Variants in DAPK2 observed in about 807,000 individuals in gnomAD.
DAPK2 encodes death associated protein kinase 2.
DAPK2 carries 35 observed loss-of-function variants against 44.1 expected under a neutral mutation model. The ratio of observed to expected loss-of-function variants is 0.79; its 90% CI spans 0.61 to 1.05. The LOEUF is 1.05. DAPK2 is among the 50% of genes least tolerant of loss of function. The pLI, the probability that DAPK2 is intolerant of heterozygous loss-of-function variation, is 0.00. For missense variants in DAPK2, 453 were observed against 483.2 expected (o/e 0.94, Z 0.59); for synonymous variants, 174 against 182.6 (o/e 0.95, Z 0.38).
chr15:63,935,252 G>A (rs2077110336), intron 4 of DAPK2, among the ~76,000 whole-genome samples: 1 of 151,894 alleles, frequency 6.6e-6, no homozygotes, highest in South Asian at 2.1e-4. Flanking sequence ...CACCATGCCT[G>A]GCTAATTTTT....
Position 63,934,946 on chromosome 15 carries a change from T to G in DAPK2, c.583+4286A>C, listed in dbSNP as rs572976837. Among the ~76,000 whole-genome samples, 5 of 152,328 alleles carry G rather than the reference T, an allele frequency of 3.3e-5. No homozygotes were observed. In the South Asian group the frequency reaches 6.2e-4, roughly 19 times the overall value. On this transcript the variant is annotated intron_variant, in intron 4 of 10. Coordinates refer to ENST00000261891, the Ensembl canonical transcript of DAPK2. ...TTCTATTACTTCTTGCTTTGAGGCCTCCCTTCAGAGTTCATTTCTTTAATT... is the reference window on the plus strand; with the variant it reads ...TTCTATTACTTCTTGCTTTGAGGCCGCCCTTCAGAGTTCATTTCTTTAATT...
intron 1 of DAPK2, among the ~76,000 whole-genome samples, chr15:63,986,427 A>C (rs2078669762): frequency 2.0e-5 from 3 of 152,160 alleles, no homozygotes; most frequent in Admixed American, 2.0e-4. Context: ...AATTGGTTTA[A>C]TTTTATTTAT....
chr15:64,002,897 GGAGA>G (rs1361429539), intron 1 of DAPK2, among the ~76,000 whole-genome samples: 8 of 141,028 alleles, frequency 5.7e-5, no homozygotes, highest in Non-Finnish European at 1.1e-4. Context: ...AGAGAGGGAG[GGAGA>G]GAAAGACTGA....
At chr15:64,007,478 C>G (rs1396982955) in intron 1 of DAPK2, among the ~76,000 whole-genome samples, 1 of 152,138 alleles carries the variant, frequency 6.6e-6, no homozygotes, top group Non-Finnish European at 1.5e-5. Context: ...AGTAGGAAAC[C>G]TCTCCTGCCT....
At chr15:63,958,619 C>T (rs2077795582) in intron 3 of DAPK2, among the ~76,000 whole-genome samples, 1 of 152,122 alleles carries the variant, frequency 6.6e-6, no homozygotes, top group Non-Finnish European at 1.5e-5. Context: ...GAATCCTTTC[C>T]CCATTTCTTG....
Position 63,925,890 on chromosome 15 carries a change from G to T in DAPK2, c.812+51C>A. 1.9e-6 allele frequency: 3 copies of T among 1,611,018 alleles called. No homozygotes were observed. The South Asian group carries it at 3.3e-5, about 18-fold the overall frequency. ...ATACTGACAGGTCTTTGACAGAGGC[G>T]ACAGGAAGGGATCAGTACCTGAGAA... On this transcript the variant is annotated intron_variant, in intron 7 of 10. Coordinates refer to ENST00000261891, the Ensembl canonical transcript of DAPK2.
chr15:63,964,347 T>C lies in DAPK2; in HGVS notation c.453+7076A>G, dbSNP rs117728547. Among the ~76,000 whole-genome samples the C allele has an allele frequency of 1.7e-4, 26 of 152,346 alleles. 2 individuals are homozygous for C. The East Asian group carries it at 5.0e-3, about 29-fold the overall frequency. On this transcript the variant is annotated intron_variant, in intron 3 of 10. Transcript: ENST00000261891. ...TTGGAGTTTCATCGTATGTTGTTTC[T>C]TTTCTCTTGCTTTTAGGATCCTTTC...
At chr15:63,971,655 C>T (rs7179912) in intron 2 of DAPK2, 94 bp from the exon 4 acceptor site, 505,347 of 1,344,862 alleles carry the variant, frequency 0.38, 99,720 homozygotes, top group Non-Finnish European at 0.41. Flanking sequence ...TCATCCTGAC[C>T]CCCCAGGGAC....
In DAPK2 at chr15:63,983,414, C is replaced by T. The variant is rs1297126177; in HGVS notation, c.314+119G>A. ...GATCTGCCCACCACTGACTTCACCT[C>T]CTCTGGGCTGAGCTTAGGCCTGGTT... On this transcript the variant is annotated intron_variant, in intron 2 of 10. Coordinates refer to ENST00000261891, the Ensembl canonical transcript of DAPK2. 20 of 858,540 alleles carry T rather than the reference C, an allele frequency of 2.3e-5. No homozygotes were observed. The East Asian group carries it at 2.6e-4, about 11-fold the overall frequency. The allele number at this position is 858,540 out of a possible 1,614,324, so 53.2% of individuals were successfully genotyped here.
At position 63,950,392 on chromosome 15, in the gene DAPK2, A is replaced by G. The variant is rs565750502; in HGVS notation, c.454-11031T>C. Among the ~76,000 whole-genome samples the G allele has an allele frequency of 1.6e-3, 227 of 144,658 alleles. 2 individuals are homozygous for G. The highest frequency in any genetic ancestry group is 3.6e-3 in the Middle Eastern group (1 of 280). 94.9% of individuals were successfully genotyped at this position (144,658 alleles called of 152,430 possible). A position where few individuals can be genotyped will look rare whatever the true frequency, so the allele number is the denominator to read the frequency against. ...CACCACATCTGGCTAATTAAAAAACATTTTTTTTTTTTGTAGAGACTCACT... is the reference window on the plus strand; with the variant it reads ...CACCACATCTGGCTAATTAAAAAACGTTTTTTTTTTTTGTAGAGACTCACT... On this transcript the variant is annotated intron_variant, in intron 3 of 10. Coordinates refer to ENST00000261891, the Ensembl canonical transcript of DAPK2.
intron 2 of DAPK2, among the ~76,000 whole-genome samples, chr15:63,982,160 A>C (rs17777742): frequency 0.29 from 43,536 of 148,596 alleles, 8,013 homozygotes; most frequent in Non-Finnish European, 0.41. Context: ...AGGCAGGTGT[A>C]TACATGCTTA....
chr15:63,980,629 T>A lies in DAPK2; in HGVS notation c.314+2904A>T, dbSNP rs1281508291. ...ATTAATTAAAAAGAAAAGGAGAAAA[T>A]CATGAGAAGAAAGTTGTTTTATCAG... is the stretch of plus-strand genomic sequence containing the variant. On this transcript the variant is annotated intron_variant, in intron 2 of 10. Transcript: ENST00000261891. This position sits in a 1 kb window ranked among gnomAD's most constrained non-coding sequence, Gnocchi z 4.3. Among the ~76,000 whole-genome samples, 1 of 151,974 alleles carries A rather than the reference T, an allele frequency of 6.6e-6. No individual in the cohort carries two copies. The highest frequency in any genetic ancestry group is 1.5e-5 in the Non-Finnish European group (1 of 67,998).
chr15:63,929,559 G>A (rs544217359), exon 6 of DAPK2: 4 of 1,614,172 alleles, frequency 2.5e-6, no homozygotes, highest in African/African-American at 1.3e-5. Context: ...ACAGGATGTA[G>A]GTGATGACGC....
At chr15:63,924,525 A>G (rs997271207) in intron 8 of DAPK2, 26 of 351,344 alleles carry the variant, frequency 7.4e-5, no homozygotes, top group South Asian at 3.1e-4. Context: ...CCTTCAACAA[A>G]GAACACTGTG....
chr15:63,988,607 T>C (rs1052554139), intron 1 of DAPK2, among the ~76,000 whole-genome samples: 6 of 150,944 alleles, frequency 4.0e-5, no homozygotes, highest in African/African-American at 1.5e-4. Flanking sequence ...TGGGTTTAAG[T>C]GATTCTCCTG....
chr15:63,933,670 C>G (rs2077043028), intron 4 of DAPK2, among the ~76,000 whole-genome samples: 1 of 149,438 alleles, frequency 6.7e-6, no homozygotes, highest in Non-Finnish European at 1.5e-5. Context: ...ATGATCACAG[C>G]TCACTGCTGA....
At chr15:63,924,749 G>C (rs1208132310) in intron 8 of DAPK2, 67 bp downstream of exon 9, 43 of 1,575,626 alleles carry the variant, frequency 2.7e-5, no homozygotes, top group Non-Finnish European at 3.4e-5. Context: ...GCATCTGGCT[G>C]CCCAGGCCAA....
chr15:64,017,110 G>C (rs1370377058), intron 1 of DAPK2, among the ~76,000 whole-genome samples: 1 of 152,136 alleles, frequency 6.6e-6, no homozygotes, highest in Non-Finnish European at 1.5e-5. Context: ...GAGTTCTAGG[G>C]ACCTACTGTG....
At position 63,929,543 on chromosome 15, in the gene DAPK2, A is replaced by T. The variant is rs373820044; in HGVS notation, c.659+8T>A. The T allele has an allele frequency of 8.7e-6, 14 of 1,614,048 alleles. 1 individual carries two copies. Among genetic ancestry groups the T allele is most frequent in the Middle Eastern group, 1.6e-4 (1 of 6,084 alleles). On this transcript the variant is annotated splice_region_variant and intron_variant, in intron 6 of 10. Coordinates refer to ENST00000261891, the Ensembl canonical transcript of DAPK2. Reference sequence around the variant, plus strand: ...CTGAGCCAGAGCCCCTGGATCAGGGATACTCACAGGATGTAGGTGATGACG... The same window carrying T: ...CTGAGCCAGAGCCCCTGGATCAGGGTTACTCACAGGATGTAGGTGATGACG...
Sources: allele counts gnomAD v4.1 joint callset (sites outside exome capture counted in the v4.1 genomes callset), GRCh38; gene constraint gnomAD v4.1.1; non-coding constraint Gnocchi (gnomAD v3.1); transcripts MANE v1.5; gene names NCBI Gene and HGNC (gene_info 2026-07-23, HGNC 2026-07-21).